Variants in CHN2 observed in about 807,000 individuals in gnomAD.
CHN2 encodes the protein beta-chimaerin.
CHN2 carries 35 observed loss-of-function variants against 56.3 expected under a neutral mutation model. The ratio of observed to expected loss-of-function variants is 0.62; its 90% CI spans 0.47 to 0.82. CHN2 has a LOEUF of 0.82. Ranked by LOEUF, CHN2 falls within the 40% of genes least tolerant of loss-of-function variation. The probability of loss-of-function intolerance (pLI) is 0.00; values close to 1 mark genes in which losing one functional copy is unlikely to be tolerated. For missense variants in CHN2, 491 were observed against 580.5 expected, an observed-to-expected ratio of 0.85 and a Z score of 1.58; for synonymous variants, 210 against 212.8, an observed-to-expected ratio of 0.99 and a Z score of 0.12.
intron 6 of CHN2, among the ~76,000 whole-genome samples, chr7:29,409,852 A>T (rs1803035957): frequency 6.6e-6 from 1 of 152,214 alleles, no homozygotes; most frequent in Non-Finnish European, 1.5e-5. Context: ...ATATTTTGAC[A>T]TCTCCAGAGT....
intron 2 of CHN2, among the ~76,000 whole-genome samples, chr7:29,178,644 G>A (rs1424793191): frequency 2.0e-5 from 3 of 152,140 alleles, no homozygotes; most frequent in Admixed American, 2.0e-4. Context: ...CTTAAGGGCA[G>A]GGACTTTGTT....
At chr7:29,200,114 A>G (rs537832241) in intron 1 of CHN2, 2 of 152,322 alleles carry the variant, frequency 1.3e-5, no homozygotes, top group South Asian at 4.1e-4. Context: ...CTGCCAGAAG[A>G]TCAAGATTCC....
chr7:29,347,579 A>G (rs1035261264), intron 1 of CHN2, among the ~76,000 whole-genome samples: 2 of 152,136 alleles, frequency 1.3e-5, no homozygotes, highest in African/African-American at 4.8e-5. Flanking sequence ...CTCACCCACT[A>G]TCATCAGAAC....
intron 2 of CHN2, among the ~76,000 whole-genome samples, chr7:29,177,298 G>T (rs1256110082): frequency 6.6e-6 from 1 of 151,934 alleles, no homozygotes; most frequent in African/African-American, 2.4e-5. Context: ...CTGTCATCCA[G>T]GCTGGAGTGC....
At chr7:29,418,212 G>T (rs1381945003) in intron 6 of CHN2, among the ~76,000 whole-genome samples, 1 of 152,252 alleles carries the variant, frequency 6.6e-6, no homozygotes, top group East Asian at 1.9e-4. Context: ...TTTTCCCTCA[G>T]ATGGGATGTT....
chr7:29,350,973 T>C (rs991184803), intron 1 of CHN2, among the ~76,000 whole-genome samples: 2 of 152,056 alleles, frequency 1.3e-5, no homozygotes, highest in African/African-American at 4.8e-5. Flanking sequence ...CCGGTTGCAG[T>C]GATGGGCACT....
At chr7:29,460,792 C>G (rs1456017002) in intron 6 of CHN2, among the ~76,000 whole-genome samples, 1 of 152,196 alleles carries the variant, frequency 6.6e-6, no homozygotes, top group Non-Finnish European at 1.5e-5. Context: ...TGCATAGGCA[C>G]AGGGAAGCAG....
chr7:29,208,878 G>A (rs1270967426), intron 1 of CHN2: 1 of 152,190 alleles, frequency 6.6e-6, no homozygotes, highest in Non-Finnish European at 1.5e-5. Flanking sequence ...CTTGGTCGGG[G>A]GGCCTTGTCC....
chr7:29,377,622 G>A lies in CHN2; in HGVS notation c.144+9635G>A, dbSNP rs1229017401. Among the ~76,000 whole-genome samples the A allele has an allele frequency of 2.1e-5, 3 of 146,174 alleles. No individual in the cohort carries two copies. The East Asian group carries it at 6.1e-4, about 30-fold the overall frequency. On this transcript the variant is annotated intron_variant, in intron 3 of 12. Coordinates refer to ENST00000222792, the MANE Select transcript of CHN2 (RefSeq NM_004067.4). ...ATTCAGGATTTTAGATAACGAATTT[G>A]CTAATAAAAGCCAGTCCAGAGCAGG...
intron 1 of CHN2, among the ~76,000 whole-genome samples, chr7:29,273,416 C>T (rs1167347359): frequency 8.1e-5 from 10 of 123,832 alleles, no homozygotes; most frequent in African/African-American, 3.1e-4. Flanking sequence ...TTTATTGGTT[C>T]GTTCATCAGT....
intron 1 of CHN2, among the ~76,000 whole-genome samples, chr7:29,261,359 T>A (rs1012399933): frequency 1.3e-5 from 2 of 152,100 alleles, no homozygotes; most frequent in African/African-American, 4.8e-5. Flanking sequence ...TTCCACTTCA[T>A]CTCCAAACCC....
At chr7:29,369,415 C>A (rs1441235801) in intron 3 of CHN2, among the ~76,000 whole-genome samples, 1 of 152,126 alleles carries the variant, frequency 6.6e-6, no homozygotes, top group Non-Finnish European at 1.5e-5. Context: ...TCTGTTTATT[C>A]TGTAAATATA....
At chr7:29,440,039 T>C (rs533715940) in intron 6 of CHN2, among the ~76,000 whole-genome samples, 7 of 152,302 alleles carry the variant, frequency 4.6e-5, no homozygotes, top group Admixed American at 6.5e-5. Context: ...AGAAATCATT[T>C]TGTCAGAACT....
intron 5 of CHN2, chr7:29,400,299 CAT>C (rs1026066948): frequency 3.6e-6 from 2 of 551,162 alleles, no homozygotes; most frequent in African/African-American, 3.8e-5. Context: ...TCGTTCCAGT[CAT>C]ATAAACTCAA....
intron 1 of CHN2, among the ~76,000 whole-genome samples, chr7:29,327,702 T>C (rs1341386201): frequency 6.6e-6 from 1 of 152,164 alleles, no homozygotes; most frequent in East Asian, 1.9e-4. Context: ...TTAGTGGTTG[T>C]GAAGCATCTG....
At position 29,163,545 on chromosome 7, in the gene CHN2, A is replaced by AT. The variant is rs897091929; in HGVS notation, c.274+16594dup. Among the ~76,000 whole-genome samples the AT allele has an allele frequency of 5.3e-5, 8 of 151,186 alleles. No homozygotes were observed. The South Asian group carries it at 6.3e-4, about 12-fold the overall frequency. Reference sequence around the variant, plus strand: ...AATTATTACCTAAGAGACAATATCCATTTTTTTTTACAATCTTATTAAGGT... The same window carrying AT: ...AATTATTACCTAAGAGACAATATCCATTTTTTTTTTACAATCTTATTAAGGT... On this transcript the variant is annotated intron_variant, in intron 2 of 6. Transcript: ENST00000439384.
chr7:29,332,903 C>T (rs751931940), intron 1 of CHN2: 1 of 152,126 alleles, frequency 6.6e-6, no homozygotes, highest in South Asian at 2.1e-4. Flanking sequence ...CTTCTGTACT[C>T]TACAGAGACG....
intron 1 of CHN2, among the ~76,000 whole-genome samples, chr7:29,268,522 G>A (rs1790346634): frequency 6.9e-6 from 1 of 144,150 alleles, no homozygotes; most frequent in African/African-American, 2.9e-5. Flanking sequence ...CAATTCTCAG[G>A]GAAGGCTTTT....
At chr7:29,459,794 G>A (rs1785019870) in intron 6 of CHN2, among the ~76,000 whole-genome samples, 1 of 152,138 alleles carries the variant, frequency 6.6e-6, no homozygotes, top group Admixed American at 6.5e-5. Flanking sequence ...GCAAGAACAT[G>A]ACTCCAGCAA....
Sources: allele counts gnomAD v4.1 joint callset (sites outside exome capture counted in the v4.1 genomes callset), GRCh38; gene constraint gnomAD v4.1.1; transcripts MANE v1.5; gene names NCBI Gene and HGNC (gene_info 2026-07-23, HGNC 2026-07-21).